Variants in PARD3B observed in about 807,000 individuals in gnomAD.
The protein encoded by PARD3B is par-3 family cell polarity regulator beta.
A neutral mutation model predicts 130.2 loss-of-function variants in PARD3B; 103 were observed. The ratio of observed to expected loss-of-function variants is 0.79; its 90% CI spans 0.67 to 0.93. The LOEUF is 0.93. PARD3B is among the 40% of genes least tolerant of loss of function. The probability of loss-of-function intolerance (pLI) is 0.00; values close to 1 mark genes in which losing one functional copy is unlikely to be tolerated. For synonymous variants in PARD3B, 583 were observed against 553.2 expected, an observed-to-expected ratio of 1.05 and a Z score of -0.76; for missense variants, 1,609 against 1,499.2, an observed-to-expected ratio of 1.07 and a Z score of -1.21.
chr2:204,592,108 A>C (rs1189660215), intron 1 of PARD3B, among the ~76,000 whole-genome samples: 1 of 152,370 alleles, frequency 6.6e-6, no homozygotes. Context: ...CAAGGGGAAA[A>C]CTGGTGACCC....
At chr2:204,698,227 A>G (rs1204475230) in intron 2 of PARD3B, among the ~76,000 whole-genome samples, 5 of 152,080 alleles carry the variant, frequency 3.3e-5, no homozygotes, top group Admixed American at 3.3e-4. Flanking sequence ...CTTAGGCTCT[A>G]TTTTTTGGGC....
At chr2:204,867,700 A>G (rs1281704214) in intron 2 of PARD3B, among the ~76,000 whole-genome samples, 3 of 150,020 alleles carry the variant, frequency 2.0e-5, no homozygotes, top group East Asian at 1.9e-4. Flanking sequence ...TGACCATTTT[A>G]TGTGTTTTGC....
chr2:205,010,520 T>A (rs968121183), intron 3 of PARD3B, among the ~76,000 whole-genome samples: 1 of 152,232 alleles, frequency 6.6e-6, no homozygotes, highest in Admixed American at 6.5e-5. Flanking sequence ...CTAAGAAAGA[T>A]TACATGAGAG....
rs550935116 is a variant in PARD3B at position 204,918,926 on chromosome 2, A to G, written c.223-46226A>G. 2.6e-4 allele frequency among the ~76,000 whole-genome samples: 39 copies of G among 151,084 alleles called. 1 individual carries two copies. In the South Asian group the frequency reaches 7.7e-3, roughly 30 times the overall value. ...CTTGTGAATCACCATCCTTGGTCCC[A>G]TTATACCCAGTCTTCATTTAAAACT... is the stretch of plus-strand genomic sequence containing the variant. On this transcript the variant is annotated intron_variant, in intron 2 of 22. Transcript: ENST00000406610.
intron 2 of PARD3B, among the ~76,000 whole-genome samples, chr2:204,761,103 A>T (rs2125407460): frequency 6.6e-6 from 1 of 152,350 alleles, no homozygotes; most frequent in African/African-American, 2.4e-5. Context: ...TAACTTGGCC[A>T]GTGATGACAC....
At chr2:204,580,416 C>T (rs979427660) in intron 1 of PARD3B, among the ~76,000 whole-genome samples, 2 of 152,152 alleles carry the variant, frequency 1.3e-5, no homozygotes, top group African/African-American at 4.8e-5. Flanking sequence ...ACTGGAGCTT[C>T]ACCACCTTTT....
intron 22 of PARD3B, among the ~76,000 whole-genome samples, chr2:205,582,138 C>T (rs768761143): frequency 1.3e-5 from 2 of 152,142 alleles, no homozygotes; most frequent in African/African-American, 2.4e-5. Context: ...GAGCAGGTTG[C>T]AAGGCTTGCA....
intron 18 of PARD3B, among the ~76,000 whole-genome samples, chr2:205,338,178 A>AAAAAC (rs35707832): frequency 8.1e-6 from 1 of 123,488 alleles, no homozygotes; most frequent in Non-Finnish European, 1.8e-5. Flanking sequence ...AAAAAAAAAA[A>AAAAAC]GGCTTCATGA....
intron 12 of PARD3B, among the ~76,000 whole-genome samples, chr2:205,174,161 G>A (rs1361704815): frequency 6.6e-6 from 1 of 152,120 alleles, no homozygotes. Context: ...CTTTACTGCA[G>A]GTATTTTCAT....
chr2:205,117,056 A>T (rs1392307394), intron 6 of PARD3B, among the ~76,000 whole-genome samples: 2 of 152,206 alleles, frequency 1.3e-5, no homozygotes, highest in African/African-American at 2.4e-5. Flanking sequence ...TGTTAAAAAA[A>T]TATCACTTAC....
chr2:205,228,604 G>A (rs571561704), intron 15 of PARD3B, among the ~76,000 whole-genome samples: 35 of 152,078 alleles, frequency 2.3e-4, no homozygotes, highest in Non-Finnish European at 4.4e-4. Flanking sequence ...GGGTAAATTT[G>A]CTTGGTGTTC....
rs972165872 is a variant in PARD3B, at chr2:205,568,729, C to T, written c.3260+15326C>T. 5.3e-5 allele frequency among the ~76,000 whole-genome samples: 8 copies of T among 152,136 alleles called. No individual in the cohort carries two copies. Among genetic ancestry groups the T allele is most frequent in the African/African-American group, 9.7e-5 (4 of 41,424 alleles). On this transcript the variant is annotated intron_variant, in intron 22 of 22. Transcript: ENST00000406610. The surrounding 1 kb of genome is among the most constrained non-coding windows in gnomAD (Gnocchi z 5.3). ...AAAAACTTGGCCAAACTCAGGGATT[C>T]GTCAGATGGCCCTGGTCGTGTGTCT... is the stretch of plus-strand genomic sequence containing the variant.
intron 2 of PARD3B, among the ~76,000 whole-genome samples, chr2:204,742,463 A>C (rs983527277): frequency 1.3e-5 from 2 of 152,128 alleles, no homozygotes; most frequent in African/African-American, 2.4e-5. Flanking sequence ...GGATAGAGTA[A>C]GGGGGCAGGA....
At chr2:204,784,593 A>C (rs1165939423) in intron 2 of PARD3B, among the ~76,000 whole-genome samples, 1 of 152,202 alleles carries the variant, frequency 6.6e-6, no homozygotes, top group Non-Finnish European at 1.5e-5. Context: ...AACAGTAAGA[A>C]GAGAAATCAT....
rs952782921 is a variant in PARD3B, at chr2:205,463,322, C to G, written c.3044+22650C>G. 6.6e-6 allele frequency among the ~76,000 whole-genome samples: 1 copy of G among 151,952 alleles called. No homozygotes were observed. Among genetic ancestry groups the G allele is most frequent in the Admixed American group, 6.6e-5 (1 of 15,264 alleles). On this transcript the variant is annotated intron_variant, in intron 20 of 22. Transcript: ENST00000406610. This position sits in a 1 kb window ranked among gnomAD's most constrained non-coding sequence, Gnocchi z 4.8. ...TCAGCTGAGGTGAGGAACACGTCCA[C>G]GAGTTTCCCCTGTGGGCATCCAGAG...
intron 21 of PARD3B, among the ~76,000 whole-genome samples, chr2:205,527,171 G>T (rs1447578057): frequency 6.6e-6 from 1 of 152,198 alleles, no homozygotes. Flanking sequence ...ATGCAGTGAA[G>T]TATGGCTTCC....
At chr2:205,212,985 G>T (rs376400158) in intron 15 of PARD3B, among the ~76,000 whole-genome samples, 1 of 152,160 alleles carries the variant, frequency 6.6e-6, no homozygotes, top group Non-Finnish European at 1.5e-5. Context: ...AGGGCTTAAA[G>T]ATGTTGACTT....
At chr2:204,734,998 A>C (rs2039684260) in intron 2 of PARD3B, among the ~76,000 whole-genome samples, 1 of 149,626 alleles carries the variant, frequency 6.7e-6, no homozygotes, top group South Asian at 2.1e-4. Flanking sequence ...AAAAAAGGAA[A>C]ACCTTCAGCA....
chr2:205,444,131 A>T (rs2047822726), intron 20 of PARD3B, among the ~76,000 whole-genome samples: 1 of 152,138 alleles, frequency 6.6e-6, no homozygotes, highest in African/African-American at 2.4e-5. Context: ...TACCGGCACA[A>T]GCCACCAACC....
Sources: allele counts gnomAD v4.1 joint callset (sites outside exome capture counted in the v4.1 genomes callset), GRCh38; gene constraint gnomAD v4.1.1; non-coding constraint Gnocchi (gnomAD v3.1); transcripts MANE v1.5; gene names NCBI Gene and HGNC (gene_info 2026-07-23, HGNC 2026-07-21).